Variants in HGF observed in about 807,000 individuals in gnomAD.
HGF encodes fibroblast-derived tumor cytotoxic factor.
A neutral mutation model predicts 111.6 loss-of-function variants in HGF; 39 were observed. That is an observed-to-expected ratio of 0.35 (90% CI 0.27 to 0.46). The LOEUF (loss-of-function observed/expected upper bound fraction) is 0.46, where lower values mean the gene tolerates loss of function less well. HGF is among the 20% of genes least tolerant of loss of function. The pLI, the probability that HGF is intolerant of heterozygous loss-of-function variation, is 1.00. For synonymous variants in HGF, 285 were observed against 294.8 expected (o/e 0.97, Z 0.34); for missense variants, 735 against 910.5 (o/e 0.81, Z 2.48).
intron 1 of HGF, among the ~76,000 whole-genome samples, chr7:81,766,754 C>T (rs1789377632): frequency 6.6e-6 from 1 of 152,186 alleles, no homozygotes; most frequent in South Asian, 2.1e-4. Context: ...TCCACCTTCA[C>T]TGTCTGTTTC....
At chr7:81,712,026 T>A (rs542857812) in intron 11 of HGF, among the ~76,000 whole-genome samples, 1 of 152,188 alleles carries the variant, frequency 6.6e-6, no homozygotes, top group Admixed American at 6.5e-5. Context: ...TACTGGATAA[T>A]ATTGTAAGTA....
chr7:81,737,407 G>C (rs996480839), intron 7 of HGF, among the ~76,000 whole-genome samples: 1 of 152,034 alleles, frequency 6.6e-6, no homozygotes, highest in African/African-American at 2.4e-5. Context: ...TATCAGTCTT[G>C]CATGTTCTGA....
chr7:81,743,105 T>C (rs958921145), intron 7 of HGF, among the ~76,000 whole-genome samples: 1 of 152,244 alleles, frequency 6.6e-6, no homozygotes, highest in Non-Finnish European at 1.5e-5. Flanking sequence ...TTAGAATGTT[T>C]AGGCTCTTGC....
intron 5 of HGF, among the ~76,000 whole-genome samples, chr7:81,747,405 C>T (rs1788313816): frequency 1.3e-5 from 2 of 152,018 alleles, no homozygotes; most frequent in Non-Finnish European, 2.9e-5. Context: ...CTAGATTTTA[C>T]TAGGATCTTG....
intron 9 of HGF, among the ~76,000 whole-genome samples, chr7:81,721,279 G>A (rs995310295): frequency 1.3e-5 from 2 of 151,988 alleles, no homozygotes; most frequent in African/African-American, 2.4e-5. Context: ...TAAAGTACTT[G>A]AAATCTGTAC....
At chr7:81,762,590 G>A (rs1789140767) in intron 2 of HGF, 117 bp downstream of exon 2, 1 of 855,496 alleles carries the variant, frequency 1.2e-6, no homozygotes, top group Non-Finnish European at 2.0e-6. Context: ...TAAATCTAGA[G>A]TCAAACTTAC....
intron 8 of HGF, among the ~76,000 whole-genome samples, chr7:81,728,868 G>A (rs979144762): frequency 6.6e-6 from 1 of 152,204 alleles, no homozygotes; most frequent in African/African-American, 2.4e-5. Context: ...CACTATGAAT[G>A]ATGTGTGTTA....
chr7:81,740,928 T>C (rs919240409), intron 7 of HGF, among the ~76,000 whole-genome samples: 3 of 152,166 alleles, frequency 2.0e-5, no homozygotes, highest in African/African-American at 7.2e-5. Flanking sequence ...AATAAACGTG[T>C]GTTGTTGTTA....
intron 5 of HGF, among the ~76,000 whole-genome samples, chr7:81,748,961 T>C (rs1305401921): frequency 2.0e-5 from 3 of 152,228 alleles, no homozygotes; most frequent in African/African-American, 7.2e-5. Flanking sequence ...TTTGAAAGTA[T>C]CTGAATCTAT....
intron 9 of HGF, 37 bp from the exon 10 acceptor site, chr7:81,720,884 A>G: frequency 9.4e-7 from 1 of 1,059,326 alleles, no homozygotes; most frequent in East Asian, 2.4e-5. Context: ...TCCAATGAAT[A>G]TCAAGGCAGA....
rs1448700115 is a variant in HGF, at chr7:81,756,163, T to C, written c.482+1026A>G. On this transcript the variant is annotated intron_variant, in intron 4 of 17. Transcript: ENST00000222390. ...GGTTATAGAGTGATGGTGACTGGGC[T>C]TATATTCTGGCCATGTCACTTCCTA... 5 of 626,596 alleles carry C rather than the reference T, an allele frequency of 8.0e-6. No individual in the cohort carries two copies. In the East Asian group the frequency reaches 1.4e-4, roughly 18 times the overall value. 38.8% of individuals were successfully genotyped at this position (626,596 alleles called of 1,614,324 possible). A position where few individuals can be genotyped will look rare whatever the true frequency, so the allele number is the denominator to read the frequency against.
intron 7 of HGF, among the ~76,000 whole-genome samples, chr7:81,730,097 T>C (rs1453423921): frequency 2.0e-5 from 3 of 152,208 alleles, no homozygotes; most frequent in Non-Finnish European, 4.4e-5. Context: ...AAAATCAGCT[T>C]GCTTATAAGT....
At chr7:81,769,824 G>T (rs1789540392) in intron 1 of HGF, 60 bp downstream of exon 1, 1 of 1,244,630 alleles carries the variant, frequency 8.0e-7, no homozygotes, top group Non-Finnish European at 1.2e-6. Context: ...AAGGAATAGG[G>T]AAGGTTAGCA....
chr7:81,762,935 TA>T (rs1033613913), intron 1 of HGF, 63 bp from the exon 2 acceptor site: 39 of 973,630 alleles, frequency 4.0e-5, no homozygotes, highest in South Asian at 1.3e-4. Flanking sequence ...GGCTCATATA[TA>T]AAAAAAATCC....
chr7:81,767,327 A>G (rs1442877518), intron 1 of HGF, among the ~76,000 whole-genome samples: 1 of 152,018 alleles, frequency 6.6e-6, no homozygotes, highest in Non-Finnish European at 1.5e-5. Context: ...GTTCATTCAC[A>G]TACATTTGGG....
intron 6 of HGF, 39 bp from the exon 7 acceptor site, chr7:81,743,510 C>A (rs757360366): frequency 1.6e-6 from 2 of 1,241,968 alleles, no homozygotes; most frequent in Non-Finnish European, 2.4e-6. Flanking sequence ...GTAAATCTGC[C>A]TGGAAACACC....
chr7:81,751,092 T>C (rs1788477001), intron 5 of HGF: 1 of 971,722 alleles, frequency 1.0e-6, no homozygotes. Flanking sequence ...TAGCTAACAG[T>C]AGCCTTTACT....
Position 81,702,485 on chromosome 7 carries a change from G to A in HGF, c.*96C>T. 2 of 997,700 alleles carry A rather than the reference G, an allele frequency of 2.0e-6. No homozygotes were observed. Among genetic ancestry groups the A allele is most frequent in the South Asian group, 2.7e-5 (2 of 73,482 alleles). The allele number at this position is 997,700 out of a possible 1,614,324, so 61.8% of individuals were successfully genotyped here. A position where few individuals can be genotyped will look rare whatever the true frequency, so the allele number is the denominator to read the frequency against. On this transcript the variant is annotated 3_prime_UTR_variant, in exon 18 of 18. Transcript: ENST00000222390. ...ACATGACTCTCCAGTAGTTGTCTTA[G>A]GATTGTTGTAAGTGACATTTTAAAT...
intron 5 of HGF, among the ~76,000 whole-genome samples, chr7:81,746,841 G>T (rs1217864183): frequency 6.6e-6 from 1 of 152,078 alleles, no homozygotes; most frequent in Non-Finnish European, 1.5e-5. Context: ...TCCATAAGAT[G>T]ACCACTTTCC....
Sources: allele counts gnomAD v4.1 joint callset (sites outside exome capture counted in the v4.1 genomes callset), GRCh38; gene constraint gnomAD v4.1.1; transcripts MANE v1.5; gene names NCBI Gene and HGNC (gene_info 2026-07-23, HGNC 2026-07-21).